Variants in ACACB observed in about 807,000 individuals in gnomAD.
ACACB encodes the protein acetyl-CoA carboxylase 2.
A neutral mutation model predicts 278.8 loss-of-function variants in ACACB; 209 were observed. The ratio of observed to expected loss-of-function variants is 0.75; its 90% CI spans 0.67 to 0.84. ACACB has a LOEUF of 0.84. Ranked by LOEUF, ACACB falls within the 40% of genes least tolerant of loss-of-function variation. The pLI, the probability that ACACB is intolerant of heterozygous loss-of-function variation, is 0.00. For synonymous variants in ACACB, 1,174 were observed against 1,285.6 expected, an observed-to-expected ratio of 0.91 and a Z score of 1.86; for missense variants, 2,850 against 3,269.0, an observed-to-expected ratio of 0.87 and a Z score of 3.13.
rs2300455 is a variant in ACACB at position 109,185,711 on chromosome 12, G to A, written c.1951G>A (p.Ala651Thr). The change falls in exon 12 of 53, where the codon GCC becomes ACC. Residue 651 changes from alanine (A) to threonine (T), a missense_variant. Transcript: ENST00000338432. ...PPLARGHVIA[A>T]RITSENPDEG... The stretch of plus-strand genomic sequence containing the variant: ...CCTCGCCCGAGGCCACGTCATTGCC[G>A]CCAGAATCACCAGCGAAAACCCAGA... 303,003 of 1,610,442 alleles carry A rather than the reference G, an allele frequency of 0.19. 29,893 individuals are homozygous for A. The highest frequency in any genetic ancestry group is 0.27 in the East Asian group (12,038 of 44,526).
In ACACB at chr12:109,229,695, A is replaced by T. The variant is rs111965108; in HGVS notation, c.4001+2206A>T. 2.1e-3 allele frequency among the ~76,000 whole-genome samples: 324 copies of T among 151,622 alleles called. 1 individual carries two copies. The highest frequency in any genetic ancestry group is 7.3e-3 in the African/African-American group (302 of 41,348). ...CAGTCATGCACCACCAAGCCCCACT[A>T]CTTTTTTTTGTAATTTTAGTAGAGA... On this transcript the variant is annotated intron_variant, in intron 28 of 52. Coordinates refer to ENST00000338432, the MANE Select transcript of ACACB (RefSeq NM_001093.4).
chr12:109,180,423 G>C (rs2044426690), intron 11 of ACACB, among the ~76,000 whole-genome samples: 1 of 152,052 alleles, frequency 6.6e-6, no homozygotes, highest in Non-Finnish European at 1.5e-5. Flanking sequence ...GGATATTGTA[G>C]ATATATCTGT....
intron 1 of ACACB, among the ~76,000 whole-genome samples, chr12:109,130,767 C>T (rs2042803900): frequency 6.6e-6 from 1 of 152,182 alleles, no homozygotes; most frequent in African/African-American, 2.4e-5. Flanking sequence ...TGCAAAAGGA[C>T]ATTGCGCCAC....
At chr12:109,160,876 G>A (rs2043701049) in intron 2 of ACACB, among the ~76,000 whole-genome samples, 1 of 152,176 alleles carries the variant, frequency 6.6e-6, no homozygotes. Flanking sequence ...TCAACATGGT[G>A]GCCAAGAATG....
At chr12:109,143,628 T>A (rs1027381694) in intron 2 of ACACB, among the ~76,000 whole-genome samples, 2 of 152,178 alleles carry the variant, frequency 1.3e-5, no homozygotes, top group Middle Eastern at 3.4e-3. Context: ...GCAATGCGGG[T>A]GGTTCTGCTG....
intron 2 of ACACB, among the ~76,000 whole-genome samples, chr12:109,141,811 A>C (rs1295502506): frequency 6.6e-6 from 1 of 152,212 alleles, no homozygotes; most frequent in African/African-American, 2.4e-5. Context: ...AAAGTCTCAG[A>C]ATCTAGTACA....
intron 47 of ACACB, 27 bp downstream of exon 47, chr12:109,259,135 C>T: frequency 6.2e-7 from 1 of 1,611,856 alleles, no homozygotes; most frequent in Non-Finnish European, 8.5e-7. Context: ...CTATGTTACC[C>T]CAAAGCCTTG....
chr12:109,198,044 T>C (rs4766449), intron 17 of ACACB, among the ~76,000 whole-genome samples: 85,513 of 151,726 alleles, frequency 0.56, 24,274 homozygotes, highest in Middle Eastern at 0.71. Context: ...ACTACGGGCA[T>C]GTGCCACCAC....
chr12:109,144,779 G>A (rs2043202966), intron 2 of ACACB, among the ~76,000 whole-genome samples: 1 of 88,746 alleles, frequency 1.1e-5, no homozygotes, highest in Non-Finnish European at 2.1e-5. Context: ...TTTTGAGACA[G>A]AGTCTTGCTC....
rs111583214 is a variant in ACACB, at chr12:109,128,333, T to A, written c.-9-11064T>A. 2.1e-3 allele frequency among the ~76,000 whole-genome samples: 307 copies of A among 146,976 alleles called. 1 individual carries two copies. The highest frequency in any genetic ancestry group is 7.7e-3 in the African/African-American group (282 of 36,798). ...CTGGCTAATTTTTTTGGACTTTTTTTATTTTATTTTATTTTATTTTTTAGA... is the reference window on the plus strand; with the variant it reads ...CTGGCTAATTTTTTTGGACTTTTTTAATTTTATTTTATTTTATTTTTTAGA... On this transcript the variant is annotated intron_variant, in intron 1 of 52. Transcript: ENST00000338432.
In ACACB at chr12:109,259,754, A is replaced by G. The variant is rs370293502; in HGVS notation, c.6496+646A>G. Among the ~76,000 whole-genome samples the G allele has an allele frequency of 9.8e-5, 15 of 152,298 alleles. No homozygotes were observed. In the East Asian group the frequency reaches 1.5e-3, roughly 16 times the overall value. ...GATGTTTGTCCACCCTTCCCTCTGC[A>G]GAAAGCTGCTCTGAGCCTCATGTGA... On this transcript the variant is annotated intron_variant, in intron 47 of 52. Transcript: ENST00000338432.
At chr12:109,174,508 G>T (rs1380072065) in intron 7 of ACACB, among the ~76,000 whole-genome samples, 1 of 149,894 alleles carries the variant, frequency 6.7e-6, no homozygotes. Flanking sequence ...TACATTGTAG[G>T]TATCTACCTT....
chr12:109,207,539 G>A (rs1032658199), intron 20 of ACACB, among the ~76,000 whole-genome samples: 3 of 152,198 alleles, frequency 2.0e-5, no homozygotes, highest in Admixed American at 1.3e-4. Flanking sequence ...CTGATTTGCA[G>A]ACCTCCTTGA....
At chr12:109,251,477 T>C (rs376110069) in intron 41 of ACACB, among the ~76,000 whole-genome samples, 1 of 152,224 alleles carries the variant, frequency 6.6e-6, no homozygotes, top group Non-Finnish European at 1.5e-5. Context: ...GCATCTTCCT[T>C]GGGCTTGTTT....
At chr12:109,173,112 A>T (rs1037014818) in intron 6 of ACACB, among the ~76,000 whole-genome samples, 4 of 152,240 alleles carry the variant, frequency 2.6e-5, no homozygotes, top group African/African-American at 9.6e-5. Context: ...GTGGGAGCTA[A>T]ATGATGAGAA....
chr12:109,203,595 G>A (rs1427855391), intron 19 of ACACB, among the ~76,000 whole-genome samples: 4 of 152,240 alleles, frequency 2.6e-5, no homozygotes, highest in Admixed American at 1.3e-4. Context: ...ACAGGGCCTA[G>A]TACATCAGAG....
chr12:109,239,324 G>T (rs1469498161), intron 34 of ACACB, among the ~76,000 whole-genome samples: 1 of 152,220 alleles, frequency 6.6e-6, no homozygotes, highest in Non-Finnish European at 1.5e-5. Context: ...AGAAGAAGGG[G>T]TTTTCCCTGC....
intron 2 of ACACB, among the ~76,000 whole-genome samples, chr12:109,151,357 A>C (rs1256515011): frequency 6.6e-6 from 1 of 152,168 alleles, no homozygotes; most frequent in African/African-American, 2.4e-5. Flanking sequence ...AAGTTAATAC[A>C]AGGTACAGAG....
intron 2 of ACACB, among the ~76,000 whole-genome samples, chr12:109,155,989 A>T (rs936448145): frequency 2.0e-5 from 3 of 152,216 alleles, no homozygotes; most frequent in Non-Finnish European, 4.4e-5. Context: ...TTGACAGACA[A>T]TGTTTGCCAA....
Sources: allele counts gnomAD v4.1 joint callset (sites outside exome capture counted in the v4.1 genomes callset), GRCh38; gene constraint gnomAD v4.1.1; transcripts MANE v1.5; gene names NCBI Gene and HGNC (gene_info 2026-07-23, HGNC 2026-07-21).